Variants in DNAH11 observed in about 807,000 individuals in gnomAD.
DNAH11 encodes the protein axonemal beta dynein heavy chain 11.
A neutral mutation model predicts 526.0 loss-of-function variants in DNAH11; 442 were observed. The ratio of observed to expected loss-of-function variants is 0.84; its 90% confidence interval spans 0.78 to 0.91. The LOEUF is 0.91. Ranked by LOEUF, DNAH11 falls within the 40% of genes least tolerant of loss-of-function variation. DNAH11 has a pLI of 0.00. For synonymous variants in DNAH11, 2,461 were observed against 1,935.9 expected (o/e 1.27, Z -7.12); for missense variants, 6,989 against 5,448.7 (o/e 1.28, Z -8.90).
chr7:21,782,730 G>A (rs1436515157), intron 57 of DNAH11, among the ~76,000 whole-genome samples: 1 of 152,004 alleles, frequency 6.6e-6, no homozygotes, highest in Non-Finnish European at 1.5e-5. Flanking sequence ...TGGCCAACAT[G>A]GTGAAGCCCC....
At chr7:21,609,820 T>C (rs184385680) in intron 20 of DNAH11, among the ~76,000 whole-genome samples, 9 of 152,290 alleles carry the variant, frequency 5.9e-5, no homozygotes, top group East Asian at 5.8e-4. Flanking sequence ...AACTATGAGA[T>C]TGAGTTTCTC....
At chr7:21,799,920 T>C (rs546669067) in intron 61 of DNAH11, among the ~76,000 whole-genome samples, 25 of 152,320 alleles carry the variant, frequency 1.6e-4, no homozygotes, top group African/African-American at 6.0e-4. Flanking sequence ...ATTAGGTTTC[T>C]TGGAACTTAA....
intron 2 of DNAH11, among the ~76,000 whole-genome samples, chr7:21,547,670 A>G (rs1292787045): frequency 6.6e-6 from 1 of 152,124 alleles, no homozygotes; most frequent in Non-Finnish European, 1.5e-5. Context: ...CTGTTCCTTT[A>G]TCATGACTTT....
chr7:21,875,448 C>T (rs548985556), intron 74 of DNAH11, among the ~76,000 whole-genome samples: 1 of 152,022 alleles, frequency 6.6e-6, no homozygotes, highest in Non-Finnish European at 1.5e-5. Context: ...AAGATCACTT[C>T]GAGAATCTCA....
At chr7:21,584,917 A>G (rs1429890891) in intron 9 of DNAH11, among the ~76,000 whole-genome samples, 2 of 151,278 alleles carry the variant, frequency 1.3e-5, no homozygotes, top group Non-Finnish European at 2.9e-5. Flanking sequence ...TGCTACTGGA[A>G]CTAGTTTTCT....
intron 76 of DNAH11, among the ~76,000 whole-genome samples, chr7:21,885,043 AAT>A (rs1784073467): frequency 6.6e-6 from 1 of 151,632 alleles, no homozygotes; most frequent in Admixed American, 6.6e-5. Context: ...GTGCCCCATA[AAT>A]ATATATAATT....
intron 4 of DNAH11, 74 bp from the exon 5 acceptor site, chr7:21,560,997 T>A (rs1783435489): frequency 2.0e-6 from 2 of 1,024,016 alleles, no homozygotes; most frequent in African/African-American, 1.6e-5. Context: ...ATTTAAATAT[T>A]TTATTACAGA....
At position 21,741,938 on chromosome 7, in the gene DNAH11, A is replaced by C; in HGVS notation, c.7926A>C (p.Thr2642=). ...GCTTTTCTTTTCAGAGACATTTCAC[A>C]GTGTTTGCATTCAATTTTCCATCTT... ...TINPRLQRHF[T]VFAFNFPSLD... is the part of the protein sequence containing the mutation. The change falls in exon 49 of 82, where the codon ACA becomes ACC. Residue 2642 remains threonine (T), a synonymous_variant. Coordinates refer to ENST00000409508, the MANE Select transcript of DNAH11 (RefSeq NM_001277115.2). 1.2e-6 allele frequency: 2 copies of C among 1,613,762 alleles called. No individual in the cohort carries two copies. The highest frequency in any genetic ancestry group is 1.7e-6 in the Non-Finnish European group (2 of 1,179,790).
intron 2 of DNAH11, among the ~76,000 whole-genome samples, chr7:21,555,804 C>T (rs1783197014): frequency 6.6e-6 from 1 of 152,096 alleles, no homozygotes; most frequent in Non-Finnish European, 1.5e-5. Flanking sequence ...ATAGAGTGGG[C>T]CACTTAAATT....
At chr7:21,795,358 G>A (rs1327902799) in intron 61 of DNAH11, among the ~76,000 whole-genome samples, 1 of 151,956 alleles carries the variant, frequency 6.6e-6, no homozygotes, top group African/African-American at 2.4e-5. Flanking sequence ...AATTCTCCCT[G>A]TTCTCCTAGA....
chr7:21,654,800 T>A (rs1781939996), intron 28 of DNAH11, among the ~76,000 whole-genome samples: 1 of 152,150 alleles, frequency 6.6e-6, no homozygotes, highest in Admixed American at 6.5e-5. Flanking sequence ...CTTCCCTGAT[T>A]AATAAAGTCT....
intron 30 of DNAH11, among the ~76,000 whole-genome samples, chr7:21,680,133 C>G (rs1461647901): frequency 6.6e-6 from 1 of 152,188 alleles, no homozygotes; most frequent in Non-Finnish European, 1.5e-5. Flanking sequence ...ATGACTTTCT[C>G]TAGCCTCCAG....
chr7:21,603,703 A>G (rs1326347029), intron 18 of DNAH11, among the ~76,000 whole-genome samples: 2 of 152,234 alleles, frequency 1.3e-5, no homozygotes, highest in Non-Finnish European at 2.9e-5. Flanking sequence ...ATACATAACA[A>G]GATGAAGAGA....
At chr7:21,691,613 A>T (rs1220791783) in intron 35 of DNAH11, among the ~76,000 whole-genome samples, 1 of 152,212 alleles carries the variant, frequency 6.6e-6, no homozygotes, top group African/African-American at 2.4e-5. Flanking sequence ...AATGATTGTT[A>T]TGTTTTCTAG....
At chr7:21,553,994 C>G (rs1369067358) in intron 2 of DNAH11, among the ~76,000 whole-genome samples, 2 of 152,012 alleles carry the variant, frequency 1.3e-5, no homozygotes, top group African/African-American at 4.8e-5. Flanking sequence ...TGGATCTAAT[C>G]TGGAGTATTT....
intron 5 of DNAH11, 90 bp downstream of exon 5, chr7:21,561,260 G>T: frequency 1.1e-6 from 1 of 937,214 alleles, no homozygotes; most frequent in Non-Finnish European, 1.7e-6. Context: ...TTACCCTTCC[G>T]CCATGTTTGT....
rs1048868735 is a variant in DNAH11, at chr7:21,691,023, A to G, written c.6041+142A>G. On this transcript the variant is annotated intron_variant, in intron 35 of 81. Transcript: ENST00000409508. ...ATTTCCTTGGGCTCCTTTTATAGAC[A>G]GAACTTTCACCATGATAAATTAACC... is the stretch of plus-strand genomic sequence containing the variant. 14 of 628,576 alleles carry G rather than the reference A, an allele frequency of 2.2e-5. No homozygotes were observed. In the African/African-American group the frequency reaches 2.3e-4, roughly 10 times the overall value. 38.9% of individuals were successfully genotyped at this position (628,576 alleles called of 1,614,324 possible).
At chr7:21,682,009 A>C (rs1227986380) in intron 31 of DNAH11, among the ~76,000 whole-genome samples, 1 of 152,116 alleles carries the variant, frequency 6.6e-6, no homozygotes, top group Non-Finnish European at 1.5e-5. Context: ...GTGAGCCTCA[A>C]CTCTGTGACT....
At chr7:21,715,698 T>C (rs1041453640) in intron 42 of DNAH11, among the ~76,000 whole-genome samples, 5 of 152,104 alleles carry the variant, frequency 3.3e-5, no homozygotes, top group African/African-American at 1.2e-4. Flanking sequence ...AGTTTCTCCT[T>C]CTAAATTTAC....
Sources: gnomAD v4.1 joint callset for allele counts (sites outside exome capture counted in the v4.1 genomes callset) on GRCh38, gnomAD v4.1.1 for gene constraint, MANE v1.5 for transcripts, NCBI Gene and HGNC (gene_info 2026-07-23, HGNC 2026-07-21) for gene names.